Variants in NALF1 observed in about 807,000 individuals in gnomAD.
NALF1 encodes family with sequence similarity 155 member A.
A neutral mutation model predicts 48.4 loss-of-function variants in NALF1; 3 were observed. The observed-to-expected ratio is 0.06, with a 90% CI of 0.03 to 0.16. The LOEUF is 0.16. Ranked by LOEUF, NALF1 falls within the 10% of genes least tolerant of loss-of-function variation. The pLI is 1.00. For missense variants in NALF1, 526 were observed against 571.5 expected, an observed-to-expected ratio of 0.92 and a Z score of 0.81; for synonymous variants, 262 against 245.7, an observed-to-expected ratio of 1.07 and a Z score of -0.62.
intron 1 of NALF1, among the ~76,000 whole-genome samples, chr13:107,271,790 A>G: frequency 8.1e-6 from 1 of 122,748 alleles, no homozygotes; most frequent in East Asian, 2.3e-4. Flanking sequence ...ATATATATAT[A>G]TATATATATA....
At chr13:107,196,904 C>T (rs1879403597) in intron 2 of NALF1, among the ~76,000 whole-genome samples, 1 of 152,064 alleles carries the variant, frequency 6.6e-6, no homozygotes, top group Non-Finnish European at 1.5e-5. Flanking sequence ...CACTATTAAC[C>T]ATTCTCCTAT....
In NALF1 at chr13:107,866,991, G is replaced by T. The variant is rs1471301426; in HGVS notation, c.-395C>A. On this transcript the variant is annotated 5_prime_UTR_variant, in exon 1 of 3. Transcript: ENST00000375915. This position sits in a 1 kb window ranked among gnomAD's most constrained non-coding sequence, Gnocchi z 4.4. ...GGGGCGATGGTGGAGGTGACAGGGT[G>T]GCTGGCGCGGCTCCGGTCACCCAGG... Among the ~76,000 whole-genome samples the T allele has an allele frequency of 6.6e-6, 1 of 151,922 alleles. No homozygotes were observed. Among genetic ancestry groups the T allele is most frequent in the Admixed American group, 6.5e-5 (1 of 15,272 alleles).
intron 1 of NALF1, among the ~76,000 whole-genome samples, chr13:107,552,304 T>C (rs912599258): frequency 7.2e-5 from 11 of 152,114 alleles, no homozygotes; most frequent in African/African-American, 2.4e-4. Flanking sequence ...AATAAATAAA[T>C]AGAAATGCAA....
intron 2 of NALF1, among the ~76,000 whole-genome samples, chr13:107,198,997 G>A (rs1338894461): frequency 1.3e-5 from 2 of 152,164 alleles, no homozygotes; most frequent in African/African-American, 4.8e-5. Context: ...TGTGTGTAAG[G>A]CCTTCAAAGG....
chr13:107,373,486 T>A (rs1883282149), intron 1 of NALF1, among the ~76,000 whole-genome samples: 1 of 152,162 alleles, frequency 6.6e-6, no homozygotes, highest in Non-Finnish European at 1.5e-5. Flanking sequence ...TCCCAGTCCC[T>A]GGGATCACTT....
chr13:107,325,986 T>TATATACATATATATGTATAC (rs966736227), intron 1 of NALF1, among the ~76,000 whole-genome samples: 1 of 148,250 alleles, frequency 6.7e-6, no homozygotes, highest in African/African-American at 2.5e-5. Context: ...CACATATACA[T>TATATACATATATATGTATAC]ATATACATAT....
At chr13:107,508,739 G>C (rs1269230379) in intron 1 of NALF1, among the ~76,000 whole-genome samples, 1 of 151,754 alleles carries the variant, frequency 6.6e-6, no homozygotes, top group East Asian at 1.9e-4. Context: ...TTGCAACTAC[G>C]CACACGCCCC....
intron 1 of NALF1, among the ~76,000 whole-genome samples, chr13:107,234,714 A>C (rs1880304150): frequency 6.6e-6 from 1 of 151,546 alleles, no homozygotes; most frequent in African/African-American, 2.4e-5. Context: ...AGAAAAAAAA[A>C]CCAAAACAAA....
At chr13:107,204,034 C>G (rs1879581289) in intron 2 of NALF1, among the ~76,000 whole-genome samples, 1 of 144,348 alleles carries the variant, frequency 6.9e-6, no homozygotes, top group South Asian at 2.2e-4. Context: ...TCCCTGCTCT[C>G]CAGGTGAGCT....
At chr13:107,525,638 AT>A in intron 1 of NALF1, among the ~76,000 whole-genome samples, 1 of 152,136 alleles carries the variant, frequency 6.6e-6, no homozygotes, top group East Asian at 1.9e-4. Context: ...CTTGAGTGGG[AT>A]TTTTTTAGTC....
intron 1 of NALF1, among the ~76,000 whole-genome samples, chr13:107,596,384 C>A (rs1484719990): frequency 6.6e-6 from 1 of 152,146 alleles, no homozygotes; most frequent in Non-Finnish European, 1.5e-5. Flanking sequence ...ACGTGTATTG[C>A]AGCACTATTC....
At chr13:107,434,294 T>C (rs1884428888) in intron 1 of NALF1, among the ~76,000 whole-genome samples, 1 of 152,222 alleles carries the variant, frequency 6.6e-6, no homozygotes, top group East Asian at 1.9e-4. Flanking sequence ...CAGTTGACTG[T>C]AGCCTGATTA....
chr13:107,552,331 T>C (rs964146820), intron 1 of NALF1, among the ~76,000 whole-genome samples: 1 of 152,202 alleles, frequency 6.6e-6, no homozygotes, highest in Non-Finnish European at 1.5e-5. Flanking sequence ...TCAATAAATA[T>C]ACCTCATGGT....
At chr13:107,797,962 G>T (rs374381905) in intron 1 of NALF1, among the ~76,000 whole-genome samples, 3 of 152,042 alleles carry the variant, frequency 2.0e-5, no homozygotes, top group East Asian at 3.9e-4. Flanking sequence ...TAAAAAATTT[G>T]AAAGCAATTT....
At chr13:107,601,768 C>A (rs1018128617) in intron 1 of NALF1, among the ~76,000 whole-genome samples, 1 of 151,844 alleles carries the variant, frequency 6.6e-6, no homozygotes, top group African/African-American at 2.4e-5. Context: ...AAAAAAAAAT[C>A]ACTATTGGTA....
intron 1 of NALF1, among the ~76,000 whole-genome samples, chr13:107,790,193 C>T (rs1878189744): frequency 6.6e-6 from 1 of 152,086 alleles, no homozygotes; most frequent in Non-Finnish European, 1.5e-5. Context: ...TTATACCAAG[C>T]ACTACTCAAA....
chr13:107,201,645 G>C (rs986619471), intron 2 of NALF1, among the ~76,000 whole-genome samples: 16 of 152,164 alleles, frequency 1.1e-4, no homozygotes, highest in Admixed American at 3.9e-4. Context: ...GCGAGCAACA[G>C]GTCCTATCTT....
intron 1 of NALF1, among the ~76,000 whole-genome samples, chr13:107,582,815 A>G (rs535419853): frequency 6.6e-6 from 1 of 152,298 alleles, no homozygotes; most frequent in East Asian, 1.9e-4. Context: ...AATCCTGTAT[A>G]ATTCAGTTTG....
At chr13:107,350,378 T>C (rs1882852193) in intron 1 of NALF1, among the ~76,000 whole-genome samples, 1 of 152,232 alleles carries the variant, frequency 6.6e-6, no homozygotes, top group Non-Finnish European at 1.5e-5. Context: ...ATAGCAGGTG[T>C]ATTTTAAGTG....
Sources: allele counts gnomAD v4.1 joint callset (sites outside exome capture counted in the v4.1 genomes callset), GRCh38; gene constraint gnomAD v4.1.1; non-coding constraint Gnocchi (gnomAD v3.1); transcripts MANE v1.5; gene names NCBI Gene and HGNC (gene_info 2026-07-23, HGNC 2026-07-21).